SEPTIN11: variants seen among roughly 807,000 people sequenced by gnomAD.
SEPTIN11 encodes septin 11.
Under a neutral mutation model 51.4 loss-of-function variants are expected in SEPTIN11, and 25 were observed. The observed-to-expected ratio is 0.49, with a 90% CI of 0.35 to 0.68. SEPTIN11 has a LOEUF of 0.68. Ranked by LOEUF, SEPTIN11 falls within the 30% of genes least tolerant of loss-of-function variation. The probability of loss-of-function intolerance (pLI) is 0.00; values close to 1 mark genes in which losing one functional copy is unlikely to be tolerated. For synonymous variants in SEPTIN11, 174 were observed against 184.1 expected (o/e 0.95, Z 0.44); for missense variants, 381 against 520.8 (o/e 0.73, Z 2.61).
rs566729336 is a variant in SEPTIN11, at chr4:77,037,636, G to A, written c.*3124G>A. On this transcript the variant is annotated 3_prime_UTR_variant, in exon 10 of 10. Transcript: ENST00000264893. The stretch of plus-strand genomic sequence containing the variant: ...GATTGAGGGGCCTACATAACTAGCT[G>A]GCCTTACCCCATATCTTTTGTTCAA... The A allele has an allele frequency of 3.1e-5, 31 of 985,506 alleles. No individual in the cohort carries two copies. The highest frequency in any genetic ancestry group is 3.6e-5 in the Non-Finnish European group (30 of 829,916). The allele number at this position is 985,506 out of a possible 1,614,324, so 61.0% of individuals were successfully genotyped here. A position where few individuals can be genotyped will look rare whatever the true frequency, so the allele number is the denominator to read the frequency against.
downstream of SEPTIN11, chr4:77,039,218 G>C: frequency 8.0e-7 from 1 of 1,245,632 alleles, no homozygotes; most frequent in South Asian, 1.4e-5. Flanking sequence ...TTTAAAGTCT[G>C]GGTCAAATAT....
chr4:77,013,154 TATC>T, intron 4 of SEPTIN11, among the ~76,000 whole-genome samples: 1 of 152,168 alleles, frequency 6.6e-6, no homozygotes, highest in Admixed American at 6.5e-5. Context: ...AGCCGGATAA[TATC>T]CAACACTATT....
intron 1 of SEPTIN11, among the ~76,000 whole-genome samples, chr4:76,990,989 A>G (rs1455886698): frequency 6.6e-6 from 1 of 152,192 alleles, no homozygotes; most frequent in Non-Finnish European, 1.5e-5. Flanking sequence ...GGCTAGAATC[A>G]TCATTCTCGT....
intron 5 of SEPTIN11, among the ~76,000 whole-genome samples, chr4:77,016,629 T>TATACAC (rs1327433380): frequency 2.7e-5 from 2 of 74,060 alleles, no homozygotes; most frequent in Admixed American, 1.8e-4. Context: ...TATATATATA[T>TATACAC]ACACATATAT....
At chr4:76,992,037 A>G (rs573060667) in intron 1 of SEPTIN11, among the ~76,000 whole-genome samples, 2 of 152,242 alleles carry the variant, frequency 1.3e-5, no homozygotes, top group Non-Finnish European at 2.9e-5. Context: ...CCTAATTACA[A>G]ATCCTTACTA....
chr4:76,994,932 T>C (rs1208857116), intron 1 of SEPTIN11, among the ~76,000 whole-genome samples: 1 of 85,054 alleles, frequency 1.2e-5, no homozygotes, highest in Non-Finnish European at 2.3e-5. Flanking sequence ...TTTTTTTAAA[T>C]AAAATGGAAC....
At chr4:76,994,133 T>C (rs956483692) in intron 1 of SEPTIN11, among the ~76,000 whole-genome samples, 2 of 152,132 alleles carry the variant, frequency 1.3e-5, no homozygotes, top group Non-Finnish European at 2.9e-5. Context: ...CTGCCCTGCG[T>C]TGTCTCTTTC....
chr4:76,994,103 G>T (rs1723528853), intron 1 of SEPTIN11, among the ~76,000 whole-genome samples: 1 of 152,176 alleles, frequency 6.6e-6, no homozygotes, highest in African/African-American at 2.4e-5. Context: ...GGTGGAGAGA[G>T]GGAATGTGGG....
intron 1 of SEPTIN11, among the ~76,000 whole-genome samples, chr4:76,967,727 G>T (rs919422788): frequency 4.3e-4 from 56 of 131,246 alleles, no homozygotes; most frequent in Admixed American, 3.3e-4. Context: ...TTTGAATAAA[G>T]GAACCATTAA....
chr4:76,977,898 A>C (rs1263931484), intron 1 of SEPTIN11, among the ~76,000 whole-genome samples: 1 of 152,200 alleles, frequency 6.6e-6, no homozygotes, highest in African/African-American at 2.4e-5. Context: ...TCAGTAGTCT[A>C]TAAGAAGCTA....
intron 1 of SEPTIN11, among the ~76,000 whole-genome samples, chr4:76,982,420 AG>A (rs1009998549): frequency 2.0e-5 from 3 of 152,088 alleles, no homozygotes; most frequent in African/African-American, 7.2e-5. Flanking sequence ...CATGTTGGCC[AG>A]GCTGGTGTCA....
chr4:77,035,955 G>C lies in SEPTIN11; in HGVS notation c.*1443G>C. 2.0e-6 allele frequency: 2 copies of C among 985,810 alleles called. 1 individual carries two copies. The highest frequency in any genetic ancestry group is 9.4e-5 in the South Asian group (2 of 21,290). 61.1% of individuals were successfully genotyped at this position (985,810 alleles called of 1,614,324 possible). ...TTTCTCATGAACCCACTGCCCCTCTGCATTTTCCTCACTGGTTAGAGATTA... is the reference window on the plus strand; with the variant it reads ...TTTCTCATGAACCCACTGCCCCTCTCCATTTTCCTCACTGGTTAGAGATTA... On this transcript the variant is annotated 3_prime_UTR_variant, in exon 10 of 10. Transcript: ENST00000264893.
At position 76,969,845 on chromosome 4, in the gene SEPTIN11, T is replaced by C. The variant is rs180775952; in HGVS notation, c.27+19915T>C. On this transcript the variant is annotated intron_variant, in intron 1 of 9. Coordinates refer to ENST00000264893, the MANE Select transcript of SEPTIN11 (RefSeq NM_018243.4). ...ACTATTAGTTAAAAATTCAGATGCT[T>C]TCCTCCAGTTCTTAAAAAGCATTTC... is the stretch of plus-strand genomic sequence containing the variant. Among the ~76,000 whole-genome samples the C allele has an allele frequency of 2.8e-3, 433 of 152,332 alleles. 1 individual carries two copies. The highest frequency in any genetic ancestry group is 5.1e-3 in the Non-Finnish European group (350 of 68,032).
intron 1 of SEPTIN11, among the ~76,000 whole-genome samples, chr4:76,967,786 C>T (rs1722091647): frequency 6.6e-6 from 1 of 150,388 alleles, no homozygotes; most frequent in Non-Finnish European, 1.5e-5. Flanking sequence ...AACATTTGAA[C>T]AATTTAAGCT....
intron 1 of SEPTIN11, chr4:76,996,049 A>G (rs931125922): frequency 5.8e-6 from 6 of 1,033,806 alleles, no homozygotes; most frequent in Non-Finnish European, 1.4e-6. Context: ...CTATGAGTTG[A>G]CAGTAAATTG....
chr4:76,996,498 A>G lies in SEPTIN11; in HGVS notation c.101A>G (p.Lys34Arg). ...AGCCTCCCTGACCAGCTGGTCAACA[A>G]GTCTACTTCTCAAGGATTCTGTTTC... ...FDSLPDQLVN[K>R]STSQGFCFNI... is the part of the protein sequence containing the mutation. Residue 34 changes from lysine to arginine, a missense_variant, in exon 2 of 10, where the codon AAG becomes AGG. Physicochemically the swap from Lys to Arg is conservative, Grantham distance 26 (BLOSUM62 2). Coordinates refer to ENST00000264893, the MANE Select transcript of SEPTIN11 (RefSeq NM_018243.4). The G allele has an allele frequency of 6.2e-7, 1 of 1,614,126 alleles. No homozygotes were observed.
chr4:76,970,366 T>G (rs979163995), intron 1 of SEPTIN11, among the ~76,000 whole-genome samples: 123 of 152,368 alleles, frequency 8.1e-4, no homozygotes, highest in African/African-American at 2.8e-3. Flanking sequence ...AAAGGAGTTA[T>G]TCAGTAAATG....
intron 5 of SEPTIN11, among the ~76,000 whole-genome samples, chr4:77,016,639 T>TACAC (rs1553975096): frequency 9.0e-6 from 1 of 110,902 alleles, no homozygotes; most frequent in African/African-American, 3.4e-5. Context: ...TACACATATA[T>TACAC]ATATATATAT....
At chr4:77,001,087 T>G (rs1437730889) in intron 2 of SEPTIN11, among the ~76,000 whole-genome samples, 5 of 152,180 alleles carry the variant, frequency 3.3e-5, no homozygotes, top group African/African-American at 1.2e-4. Flanking sequence ...TTAGAGCTCG[T>G]AGGTTAAATA....
Sources: gnomAD v4.1 joint callset for allele counts (sites outside exome capture counted in the v4.1 genomes callset) on GRCh38, gnomAD v4.1.1 for gene constraint, MANE v1.5 for transcripts, NCBI Gene and HGNC (gene_info 2026-07-23, HGNC 2026-07-21) for gene names.